RGS3: variants seen among roughly 807,000 people sequenced by gnomAD.
The protein encoded by RGS3 is regulator of G protein signaling 3.
Under a neutral mutation model 132.6 loss-of-function variants are expected in RGS3, and 80 were observed. The observed-to-expected ratio is 0.60, with a 90% CI of 0.50 to 0.73. The LOEUF (loss-of-function observed/expected upper bound fraction) is 0.73. Among genes scored for constraint, RGS3 ranks in the 30% least tolerant of loss-of-function variants. The pLI is 0.00. For missense variants in RGS3, 1,382 were observed against 1,530.8 expected (o/e 0.90, Z 1.62); for synonymous variants, 598 against 620.6 (o/e 0.96, Z 0.54).
At chr9:113,593,142 CAGCTGGTAACTGCTGG>C (rs1835534356) in intron 21 of RGS3, 1 of 152,156 alleles carries the variant, frequency 6.6e-6, no homozygotes, top group Non-Finnish European at 1.5e-5. Context: ...AAAGGGCACA[CAGCTGGTAACTGCTGG>C]AGCTGGGATT....
chr9:113,456,454 C>A (rs1372280233), upstream of RGS3, among the ~76,000 whole-genome samples: 1 of 152,194 alleles, frequency 6.6e-6, no homozygotes, highest in African/African-American at 2.4e-5. Flanking sequence ...TAAACAATTT[C>A]TCAAGCCAGA....
At chr9:113,566,239 A>T (rs1311466996) in intron 19 of RGS3, among the ~76,000 whole-genome samples, 1 of 152,022 alleles carries the variant, frequency 6.6e-6, no homozygotes, top group African/African-American at 2.4e-5. Flanking sequence ...CTCTGCTGAA[A>T]CGTCCACTGG....
chr9:113,474,034 C>T (rs1829916997), intron 3 of RGS3, among the ~76,000 whole-genome samples: 1 of 152,106 alleles, frequency 6.6e-6, no homozygotes, highest in Non-Finnish European at 1.5e-5. Context: ...CCAGGACGGA[C>T]CTAGAATCCC....
At chr9:113,449,891 C>T (rs560658453) in intron 1 of RGS3, among the ~76,000 whole-genome samples, 3 of 148,270 alleles carry the variant, frequency 2.0e-5, no homozygotes, top group African/African-American at 2.5e-5. Flanking sequence ...TACAGGTGCC[C>T]GCCCCCACTC....
At chr9:113,583,550 G>A (rs371446216) in exon 20 of RGS3, 1 of 1,614,052 alleles carries the variant, frequency 6.2e-7, no homozygotes, top group African/African-American at 1.3e-5. Context: ...CCCTCTCCTG[G>A]CCAGGAGCTT....
chr9:113,559,767 C>G (rs1048641423), intron 19 of RGS3, among the ~76,000 whole-genome samples: 17 of 152,184 alleles, frequency 1.1e-4, no homozygotes, highest in Non-Finnish European at 2.2e-4. Flanking sequence ...TATTCATCAA[C>G]AAATGGTAAT....
intron 3 of RGS3, among the ~76,000 whole-genome samples, chr9:113,472,216 A>G (rs978836568): frequency 5.3e-5 from 8 of 152,220 alleles, no homozygotes; most frequent in Admixed American, 3.3e-4. Context: ...CGGTTCCTCA[A>G]ACAATTAAAT....
At chr9:113,479,579 C>T (rs201670629) in intron 4 of RGS3, 38 bp downstream of exon 2, 247 of 1,605,456 alleles carry the variant, frequency 1.5e-4, no homozygotes, top group Middle Eastern at 1.7e-4. Flanking sequence ...AAGGAAGGGG[C>T]GGGCCACTCA....
At chr9:113,581,599 A>T (rs1195961803) in intron 19 of RGS3, 1 of 152,234 alleles carries the variant, frequency 6.6e-6, no homozygotes, top group East Asian at 1.9e-4. Context: ...TACGCTCCTG[A>T]TCTGTTACTC....
intron 17 of RGS3, among the ~76,000 whole-genome samples, chr9:113,527,624 A>C (rs1832271873): frequency 1.3e-5 from 2 of 152,078 alleles, no homozygotes; most frequent in African/African-American, 4.8e-5. Context: ...GAGATTTTTT[A>C]ATCTGGCTGT....
intron 13 of RGS3, among the ~76,000 whole-genome samples, chr9:113,508,137 A>G (rs1404204462): frequency 2.0e-5 from 3 of 152,226 alleles, no homozygotes; most frequent in Non-Finnish European, 4.4e-5. Context: ...AAAGGAGCCT[A>G]GTAGAGGCTC....
At chr9:113,494,146 A>T (rs977245669) in intron 7 of RGS3, among the ~76,000 whole-genome samples, 1 of 152,078 alleles carries the variant, frequency 6.6e-6, no homozygotes, top group Non-Finnish European at 1.5e-5. Flanking sequence ...TTAAAAAAAA[A>T]CTCTTACTGT....
chr9:113,509,233 C>T lies in RGS3; in HGVS notation c.1477+653C>T, dbSNP rs541125255. Among the ~76,000 whole-genome samples the T allele has an allele frequency of 6.6e-5, 10 of 151,412 alleles. No individual in the cohort carries two copies. In the South Asian group the frequency reaches 1.9e-3, roughly 29 times the overall value. On this transcript the variant is annotated intron_variant, in intron 14 of 24. Coordinates refer to ENST00000350696, the Ensembl canonical transcript of RGS3. ...CTGGGAGGCAGAGGTTGCAATGAGC[C>T]GAGATCATGCCACTGCACTCTAGCC...
At chr9:113,464,096 ATGAGTG>A (rs1469086936) in intron 3 of RGS3, among the ~76,000 whole-genome samples, 1 of 152,234 alleles carries the variant, frequency 6.6e-6, no homozygotes, top group African/African-American at 2.4e-5. Context: ...CTGCCCGGCC[ATGAGTG>A]CCAACTGCGG....
rs1833960380 is a variant in RGS3 at position 113,565,561 on chromosome 9, T to C, written c.2038-17889T>C. Reference sequence around the variant, plus strand: ...ACTTGGGTAAGTCCATAAATAGCTCTGCTGACACAAAGGAGCTCTGTCTGG... The same window carrying C: ...ACTTGGGTAAGTCCATAAATAGCTCCGCTGACACAAAGGAGCTCTGTCTGG... On this transcript the variant is annotated intron_variant, in intron 19 of 24. Transcript: ENST00000350696. This position sits in a 1 kb window ranked among gnomAD's most constrained non-coding sequence, Gnocchi z 5.7. 2 of 302,524 alleles carry C rather than the reference T, an allele frequency of 6.6e-6. No homozygotes were observed. Among genetic ancestry groups the C allele is most frequent in the South Asian group, 5.8e-5 (2 of 34,536 alleles). The allele number at this position is 302,524 out of a possible 1,614,324, so 18.7% of individuals were successfully genotyped here.
chr9:113,517,701 T>G (rs1258594524), intron 16 of RGS3, 77 bp downstream of exon 14: 64 of 1,121,222 alleles, frequency 5.7e-5, no homozygotes, highest in South Asian at 2.6e-4. Context: ...CTCACTTTGG[T>G]CTCTTCCTGA....
intron 3 of RGS3, among the ~76,000 whole-genome samples, chr9:113,476,660 T>A (rs555618306): frequency 6.6e-6 from 1 of 152,338 alleles, no homozygotes; most frequent in South Asian, 2.1e-4. Flanking sequence ...CCCCTGGGCC[T>A]TTGTCAGCCT....
At chr9:113,479,642 T>G (rs1830100363) in intron 4 of RGS3, 101 bp downstream of exon 2, 2 of 1,017,196 alleles carry the variant, frequency 2.0e-6, no homozygotes, top group African/African-American at 1.6e-5. Flanking sequence ...GGCCAAGGCT[T>G]CTTTTCTCAT....
intron 20 of RGS3, among the ~76,000 whole-genome samples, chr9:113,586,587 C>T (rs1182482325): frequency 6.6e-6 from 1 of 152,210 alleles, no homozygotes; most frequent in Non-Finnish European, 1.5e-5. Context: ...CTGGCAGAGA[C>T]ATCAGAGGCT....
Sources: allele counts gnomAD v4.1 joint callset (sites outside exome capture counted in the v4.1 genomes callset), GRCh38; gene constraint gnomAD v4.1.1; non-coding constraint Gnocchi (gnomAD v3.1); transcripts MANE v1.5; gene names NCBI Gene and HGNC (gene_info 2026-07-23, HGNC 2026-07-21).